Variants in WWOX observed in about 807,000 individuals in gnomAD.
WWOX encodes the protein WW domain-containing oxidoreductase.
In WWOX, 69 loss-of-function variants were observed where a neutral mutation model predicts 46.2. The ratio of observed to expected loss-of-function variants is 1.49; its 90% CI spans 1.23 to 1.82. The LOEUF (loss-of-function observed/expected upper bound fraction) is 1.82, where lower values mean the gene tolerates loss of function less well. WWOX is among the 40% of genes most tolerant of loss of function. The probability of loss-of-function intolerance (pLI) is 0.00; values close to 1 mark genes in which losing one functional copy is unlikely to be tolerated. For missense variants in WWOX, 919 were observed against 542.6 expected (o/e 1.69, Z -6.89); for synonymous variants, 359 against 202.6 (o/e 1.77, Z -6.56).
intron 8 of WWOX, among the ~76,000 whole-genome samples, chr16:78,973,451 C>G (rs1477293034): frequency 6.6e-6 from 1 of 152,162 alleles, no homozygotes; most frequent in African/African-American, 2.4e-5. Context: ...AGTATGAATT[C>G]TCATATGTTC....
At chr16:78,915,632 A>G (rs888604956) in intron 8 of WWOX, among the ~76,000 whole-genome samples, 2 of 152,116 alleles carry the variant, frequency 1.3e-5, no homozygotes, top group Non-Finnish European at 2.9e-5. Context: ...GTTATCAGTC[A>G]TTGACTCAGA....
chr16:78,464,632 G>T (rs79704699), intron 8 of WWOX, among the ~76,000 whole-genome samples: 2,643 of 152,246 alleles, frequency 0.017, 93 homozygotes, highest in African/African-American at 0.061. Flanking sequence ...AGGCAGATCT[G>T]TCTGCTTTTG....
At chr16:79,113,747 C>A (rs1157553840) in intron 8 of WWOX, among the ~76,000 whole-genome samples, 4 of 152,194 alleles carry the variant, frequency 2.6e-5, no homozygotes, top group Non-Finnish European at 5.9e-5. Flanking sequence ...GCCAACTTTT[C>A]ACCCGAGGAG....
intron 5 of WWOX, among the ~76,000 whole-genome samples, chr16:78,171,181 TTTG>T (rs751551373): frequency 4.6e-5 from 7 of 152,238 alleles, no homozygotes; most frequent in African/African-American, 9.6e-5. Flanking sequence ...GTGTTTTCAT[TTTG>T]TTGTTGTTGT....
chr16:78,988,933 G>C (rs1597243697), intron 8 of WWOX, among the ~76,000 whole-genome samples: 2 of 152,160 alleles, frequency 1.3e-5, no homozygotes, highest in South Asian at 4.1e-4. Flanking sequence ...TTTCAGCTTT[G>C]TTGGAAGGTT....
At chr16:79,129,096 T>G (rs1387332419) in intron 8 of WWOX, among the ~76,000 whole-genome samples, 1 of 152,124 alleles carries the variant, frequency 6.6e-6, no homozygotes, top group Non-Finnish European at 1.5e-5. Flanking sequence ...TGGATCTTGA[T>G]AGGAATGCTT....
chr16:78,399,018 G>T (rs542438080), intron 6 of WWOX, among the ~76,000 whole-genome samples: 1 of 148,616 alleles, frequency 6.7e-6, no homozygotes, highest in Non-Finnish European at 1.5e-5. Context: ...GTGGCTGGCT[G>T]GCTAGATGGA....
At chr16:79,055,101 T>G (rs918725931) in intron 8 of WWOX, among the ~76,000 whole-genome samples, 1 of 152,142 alleles carries the variant, frequency 6.6e-6, no homozygotes, top group Non-Finnish European at 1.5e-5. Flanking sequence ...AATATAAAAC[T>G]AAATAATCCA....
chr16:78,409,180 G>C (rs1467278248), intron 6 of WWOX, among the ~76,000 whole-genome samples: 1 of 152,144 alleles, frequency 6.6e-6, no homozygotes, highest in African/African-American at 2.4e-5. Context: ...TAGAAATACA[G>C]AAAGTCCTAT....
intron 5 of WWOX, among the ~76,000 whole-genome samples, chr16:78,372,370 G>T (rs1486658525): frequency 6.6e-6 from 1 of 152,168 alleles, no homozygotes; most frequent in African/African-American, 2.4e-5. Flanking sequence ...CTACCCCCCT[G>T]CTGCTCTATA....
intron 8 of WWOX, chr16:78,890,486 T>G (rs976358563): frequency 1.6e-4 from 24 of 152,248 alleles, no homozygotes; most frequent in Non-Finnish European, 2.8e-4. Context: ...GTCCACAAGT[T>G]GCTGTCTGAA....
chr16:79,198,031 C>T (rs192548740), intron 8 of WWOX, among the ~76,000 whole-genome samples: 1 of 152,166 alleles, frequency 6.6e-6, no homozygotes, highest in African/African-American at 2.4e-5. Flanking sequence ...ACAAGAGCAG[C>T]TTTAGAAAAT....
At chr16:78,458,114 C>T (rs532092464) in intron 8 of WWOX, among the ~76,000 whole-genome samples, 41 of 151,928 alleles carry the variant, frequency 2.7e-4, no homozygotes, top group Admixed American at 6.6e-4. Context: ...TCCTGGAGTT[C>T]GTATCCCCTT....
chr16:79,186,314 A>T (rs2051013744), intron 8 of WWOX, among the ~76,000 whole-genome samples: 1 of 152,168 alleles, frequency 6.6e-6, no homozygotes, highest in Non-Finnish European at 1.5e-5. Context: ...GACGTCTGAG[A>T]CCACAGTGTG....
chr16:78,585,346 C>T (rs930593307), intron 8 of WWOX, among the ~76,000 whole-genome samples: 1 of 152,144 alleles, frequency 6.6e-6, no homozygotes, highest in Admixed American at 6.5e-5. Context: ...TGGCTGCCAG[C>T]CCCAGGAGGC....
rs184219839 is a variant in WWOX at position 78,471,608 on chromosome 16, T to C, written c.1056+38856T>C. On this transcript the variant is annotated intron_variant, in intron 8 of 8. Transcript: ENST00000566780. ...TGTCTTGCCTTTTCTATTATTGCCC[T>C]TTTTCTTCTGTGACTTTGTACTGAG... is the stretch of plus-strand genomic sequence containing the variant. Among the ~76,000 whole-genome samples the C allele has an allele frequency of 3.0e-3, 450 of 152,338 alleles. 4 individuals carry two copies. The highest frequency in any genetic ancestry group is 1.0e-2 in the African/African-American group (415 of 41,580).
intron 8 of WWOX, among the ~76,000 whole-genome samples, chr16:78,572,821 G>A (rs1041014089): frequency 3.9e-5 from 6 of 152,036 alleles, no homozygotes; most frequent in African/African-American, 1.2e-4. Flanking sequence ...TGGTGCCATG[G>A]CGAGAGATAC....
intron 8 of WWOX, among the ~76,000 whole-genome samples, chr16:79,132,921 G>A (rs1450776909): frequency 2.0e-5 from 3 of 152,152 alleles, no homozygotes; most frequent in Non-Finnish European, 4.4e-5. Flanking sequence ...ATTAGTGGTG[G>A]GGCTTCTTGG....
At chr16:79,103,346 T>C (rs951461264) in intron 8 of WWOX, among the ~76,000 whole-genome samples, 3 of 152,218 alleles carry the variant, frequency 2.0e-5, no homozygotes, top group African/African-American at 7.2e-5. Context: ...TTTAGGGGAA[T>C]CCAGCAGCTG....
Sources: allele counts gnomAD v4.1 joint callset (sites outside exome capture counted in the v4.1 genomes callset), GRCh38; gene constraint gnomAD v4.1.1; transcripts MANE v1.5; gene names NCBI Gene and HGNC (gene_info 2026-07-23, HGNC 2026-07-21).